The following CNTN5 variants were observed in gnomAD, a reference collection of about 807,000 sequenced individuals.
CNTN5 encodes the protein contactin 5.
Under a neutral mutation model 129.1 loss-of-function variants are expected in CNTN5, and 77 were observed. The observed-to-expected ratio is 0.60, with a 90% CI of 0.50 to 0.72. The LOEUF (loss-of-function observed/expected upper bound fraction) is 0.72, where lower values mean the gene tolerates loss of function less well. Among genes scored for constraint, CNTN5 ranks in the 30% least tolerant of loss-of-function variants. CNTN5 has a pLI of 0.00. For missense variants in CNTN5, 1,478 were observed against 1,328.8 expected, an observed-to-expected ratio of 1.11 and a Z score of -1.75; for synonymous variants, 509 against 465.6, an observed-to-expected ratio of 1.09 and a Z score of -1.20.
chr11:99,893,122 G>T lies in CNTN5; in HGVS notation c.578-22932G>T, dbSNP rs535095113. Among the ~76,000 whole-genome samples, 5 of 152,178 alleles carry T rather than the reference G, an allele frequency of 3.3e-5. No homozygotes were observed. In the South Asian group the frequency reaches 1.0e-3, roughly 32 times the overall value. ...AAATATAAAAATTAACCACTCCACAGGAATTTTTCATTTAGTAGGAAAATT... is the reference window on the plus strand; with the variant it reads ...AAATATAAAAATTAACCACTCCACATGAATTTTTCATTTAGTAGGAAAATT... On this transcript the variant is annotated intron_variant, in intron 6 of 24. Coordinates refer to ENST00000524871, the MANE Select transcript of CNTN5 (RefSeq NM_014361.4).
chr11:100,319,175 T>C (rs183516526), intron 21 of CNTN5, among the ~76,000 whole-genome samples: 2 of 149,086 alleles, frequency 1.3e-5, no homozygotes, highest in East Asian at 2.0e-4. Context: ...TTTTTTGAGA[T>C]GGAGTCTCGC....
intron 3 of CNTN5, among the ~76,000 whole-genome samples, chr11:99,627,097 TAGA>T (rs767391946): frequency 3.9e-5 from 6 of 152,060 alleles, no homozygotes; most frequent in Admixed American, 6.6e-5. Flanking sequence ...GATTGGTGGA[TAGA>T]AGCCTGTCCC....
intron 1 of CNTN5, among the ~76,000 whole-genome samples, chr11:99,192,703 C>T (rs918383497): frequency 6.6e-6 from 1 of 152,002 alleles, no homozygotes; most frequent in African/African-American, 2.4e-5. Flanking sequence ...TTAGCTAAAA[C>T]ATGCTTATTT....
At chr11:99,173,760 A>C (rs1232442256) in intron 1 of CNTN5, among the ~76,000 whole-genome samples, 1 of 152,200 alleles carries the variant, frequency 6.6e-6, no homozygotes, top group Admixed American at 6.5e-5. Context: ...AACATAGTCA[A>C]ATTCCTACTT....
intron 3 of CNTN5, among the ~76,000 whole-genome samples, chr11:99,689,821 G>A (rs1953965463): frequency 6.6e-6 from 1 of 151,968 alleles, no homozygotes; most frequent in Non-Finnish European, 1.5e-5. Context: ...GTAAAGTCTG[G>A]ATATTACTCC....
intron 23 of CNTN5, among the ~76,000 whole-genome samples, chr11:100,341,464 G>T (rs1463180200): frequency 1.3e-5 from 2 of 152,216 alleles, no homozygotes; most frequent in Non-Finnish European, 2.9e-5. Flanking sequence ...AGATGACTCT[G>T]TGAAGCATGA....
intron 9 of CNTN5, among the ~76,000 whole-genome samples, chr11:100,048,754 A>T (rs1942812988): frequency 6.6e-6 from 1 of 152,058 alleles, no homozygotes; most frequent in African/African-American, 2.4e-5. Context: ...GTCTCAGAAG[A>T]TAGGGATAGA....
intron 2 of CNTN5, among the ~76,000 whole-genome samples, chr11:99,392,504 C>T (rs1336103605): frequency 6.6e-6 from 1 of 151,834 alleles, no homozygotes; most frequent in Non-Finnish European, 1.5e-5. Flanking sequence ...TTTCATCCAG[C>T]CCATCTGATG....
intron 1 of CNTN5, among the ~76,000 whole-genome samples, chr11:99,233,353 A>G (rs528635073): frequency 3.0e-4 from 46 of 152,342 alleles, no homozygotes; most frequent in African/African-American, 1.1e-3. Flanking sequence ...AACAACAACA[A>G]CAACTAATAA....
chr11:100,179,481 G>A (rs1948072187), intron 13 of CNTN5, among the ~76,000 whole-genome samples: 1 of 151,924 alleles, frequency 6.6e-6, no homozygotes, highest in African/African-American at 2.4e-5. Context: ...AAACCATTAG[G>A]TTGAACCAAG....
intron 9 of CNTN5, among the ~76,000 whole-genome samples, chr11:100,051,533 T>C (rs1463515187): frequency 6.6e-6 from 1 of 152,008 alleles, no homozygotes; most frequent in Non-Finnish European, 1.5e-5. Context: ...AAATTCAAAA[T>C]TTAATGATCT....
chr11:100,348,281 G>A (rs1169683296), intron 23 of CNTN5, among the ~76,000 whole-genome samples: 1 of 151,854 alleles, frequency 6.6e-6, no homozygotes, highest in Non-Finnish European at 1.5e-5. Flanking sequence ...ATTTTAAAAT[G>A]AGCCAACATT....
intron 3 of CNTN5, among the ~76,000 whole-genome samples, chr11:99,668,432 G>T (rs1175190989): frequency 2.0e-5 from 3 of 152,096 alleles, no homozygotes; most frequent in African/African-American, 7.2e-5. Flanking sequence ...AAGAAGTGCT[G>T]ACCAGCGCCC....
At chr11:99,430,127 G>A (rs766306114) in intron 2 of CNTN5, among the ~76,000 whole-genome samples, 1 of 152,014 alleles carries the variant, frequency 6.6e-6, no homozygotes, top group East Asian at 1.9e-4. Context: ...TTTAAGGGGT[G>A]TGAGTTATTA....
At chr11:100,099,013 G>A (rs1462775129) in intron 13 of CNTN5, among the ~76,000 whole-genome samples, 7 of 152,124 alleles carry the variant, frequency 4.6e-5, no homozygotes, top group African/African-American at 1.7e-4. Flanking sequence ...ATTAAAGGGC[G>A]GGAAAGACAA....
At chr11:100,335,449 C>T (rs1952015458) in intron 21 of CNTN5, among the ~76,000 whole-genome samples, 1 of 152,120 alleles carries the variant, frequency 6.6e-6, no homozygotes, top group Non-Finnish European at 1.5e-5. Context: ...GGAGAATCAG[C>T]TTTGGGAAAA....
At chr11:100,070,656 C>G in intron 11 of CNTN5, 96 bp downstream of exon 11, 1 of 1,151,916 alleles carries the variant, frequency 8.7e-7, no homozygotes, top group East Asian at 2.5e-5. Flanking sequence ...AAGCCTTTTC[C>G]TGTTTCTGAT....
intron 1 of CNTN5, among the ~76,000 whole-genome samples, chr11:99,041,514 C>G (rs1863982549): frequency 6.6e-6 from 1 of 152,172 alleles, no homozygotes; most frequent in Non-Finnish European, 1.5e-5. Flanking sequence ...TCCTCATCAC[C>G]TAGTAGTTAC....
intron 3 of CNTN5, among the ~76,000 whole-genome samples, chr11:99,760,068 A>G (rs1437375817): frequency 1.3e-5 from 2 of 152,146 alleles, no homozygotes; most frequent in African/African-American, 4.8e-5. Flanking sequence ...CAGAATATGT[A>G]GTAGTGAGAT....
Sources: allele counts gnomAD v4.1 joint callset (sites outside exome capture counted in the v4.1 genomes callset), GRCh38; gene constraint gnomAD v4.1.1; transcripts MANE v1.5; gene names NCBI Gene and HGNC (gene_info 2026-07-23, HGNC 2026-07-21).